Variants in TBCK observed in about 807,000 individuals in gnomAD.
The protein encoded by TBCK is TBC1 domain containing kinase, also known as TBC domain-containing protein kinase-like protein.
A neutral mutation model predicts 113.4 loss-of-function variants in TBCK; 99 were observed. That is an observed-to-expected ratio of 0.87 (90% CI 0.74 to 1.03). The LOEUF is 1.03. Among genes scored for constraint, TBCK ranks in the 50% least tolerant of loss-of-function variants. TBCK has a pLI of 0.00. For synonymous variants in TBCK, 369 were observed against 370.8 expected, an observed-to-expected ratio of 1.00 and a Z score of 0.05; for missense variants, 1,045 against 1,061.3, an observed-to-expected ratio of 0.98 and a Z score of 0.21.
chr4:106,291,253 TCA>T (rs1765677580), intron 3 of TBCK, among the ~76,000 whole-genome samples: 2 of 152,182 alleles, frequency 1.3e-5, no homozygotes, highest in African/African-American at 2.4e-5. Flanking sequence ...CTTGTCTTGG[TCA>T]CAGTTTTGAT....
At chr4:106,191,105 T>C (rs1358708725) in intron 22 of TBCK, among the ~76,000 whole-genome samples, 1 of 152,188 alleles carries the variant, frequency 6.6e-6, no homozygotes, top group African/African-American at 2.4e-5. Flanking sequence ...GAGCATGACG[T>C]TTTTTCTTGT....
intron 24 of TBCK, among the ~76,000 whole-genome samples, chr4:106,096,044 A>G (rs1740862277): frequency 6.6e-6 from 1 of 152,218 alleles, no homozygotes; most frequent in Non-Finnish European, 1.5e-5. Flanking sequence ...TATGACATTA[A>G]TAATGAGAGA....
intron 24 of TBCK, among the ~76,000 whole-genome samples, chr4:106,101,354 T>C (rs1400857538): frequency 6.6e-6 from 1 of 152,126 alleles, no homozygotes; most frequent in African/African-American, 2.4e-5. Flanking sequence ...CACTCAAATA[T>C]GGGAATACAA....
intron 25 of TBCK, among the ~76,000 whole-genome samples, chr4:106,070,117 T>C (rs1378149550): frequency 1.3e-5 from 2 of 152,148 alleles, no homozygotes; most frequent in Non-Finnish European, 2.9e-5. Flanking sequence ...CTTTTCCTAA[T>C]TGAATACCCT....
intron 23 of TBCK, among the ~76,000 whole-genome samples, chr4:106,124,576 C>T (rs1350866449): frequency 1.3e-5 from 2 of 152,072 alleles, no homozygotes; most frequent in African/African-American, 4.8e-5. Flanking sequence ...GCATTATTCA[C>T]AATAGCAAAG....
chr4:106,170,497 A>G (rs1270371654), intron 23 of TBCK, among the ~76,000 whole-genome samples: 1 of 152,126 alleles, frequency 6.6e-6, no homozygotes, highest in Non-Finnish European at 1.5e-5. Context: ...ATGTACCCAT[A>G]TATTTGGGGA....
At chr4:106,222,545 G>A (rs1013323773) in intron 19 of TBCK, among the ~76,000 whole-genome samples, 1 of 152,088 alleles carries the variant, frequency 6.6e-6, no homozygotes, top group African/African-American at 2.4e-5. Context: ...TGATGGGTGG[G>A]ATTTAAAACA....
At chr4:106,091,285 C>T (rs77462975) in intron 25 of TBCK, among the ~76,000 whole-genome samples, 1,726 of 152,260 alleles carry the variant, frequency 0.011, 35 homozygotes, top group African/African-American at 0.037. Flanking sequence ...TTTTAAACAA[C>T]GAGCTCTCAT....
intron 3 of TBCK, 114 bp downstream of exon 3, chr4:106,294,980 A>G: frequency 1.4e-6 from 1 of 733,408 alleles, no homozygotes; most frequent in Non-Finnish European, 2.2e-6. Context: ...ATTTGCACCT[A>G]CCTTTATCAT....
chr4:106,152,655 G>A (rs559795377), intron 23 of TBCK, among the ~76,000 whole-genome samples: 1 of 152,084 alleles, frequency 6.6e-6, no homozygotes, highest in East Asian at 1.9e-4. Context: ...GAATAGAATT[G>A]GTACACGTTC....
At chr4:106,056,656 C>T (rs1448600514) in intron 25 of TBCK, among the ~76,000 whole-genome samples, 1 of 150,864 alleles carries the variant, frequency 6.6e-6, no homozygotes, top group African/African-American at 2.4e-5. Flanking sequence ...CTAGGTTTTC[C>T]TCATCCAGTT....
At chr4:106,077,273 T>A (rs1738309628) in intron 25 of TBCK, among the ~76,000 whole-genome samples, 1 of 152,136 alleles carries the variant, frequency 6.6e-6, no homozygotes, top group Non-Finnish European at 1.5e-5. Flanking sequence ...TAAGTCTACA[T>A]AACAACCAGC....
chr4:106,258,879 TG>T (rs1762246363), intron 5 of TBCK, among the ~76,000 whole-genome samples: 1 of 151,908 alleles, frequency 6.6e-6, no homozygotes, highest in African/African-American at 2.4e-5. Flanking sequence ...AGGGCTTTTT[TG>T]AACAAATAAG....
At chr4:106,301,740 T>A (rs1222713821) in intron 2 of TBCK, among the ~76,000 whole-genome samples, 2 of 152,160 alleles carry the variant, frequency 1.3e-5, no homozygotes, top group Non-Finnish European at 1.5e-5. Flanking sequence ...AAGTCAATTG[T>A]TACTGACTTA....
intron 3 of TBCK, among the ~76,000 whole-genome samples, chr4:106,268,481 T>C (rs766090195): frequency 1.3e-5 from 2 of 152,042 alleles, no homozygotes; most frequent in Non-Finnish European, 2.9e-5. Context: ...CACACAATGG[T>C]ACAAGGGGGA....
intron 3 of TBCK, among the ~76,000 whole-genome samples, chr4:106,290,412 G>A (rs1023889676): frequency 1.3e-5 from 2 of 151,986 alleles, no homozygotes; most frequent in Non-Finnish European, 2.9e-5. Flanking sequence ...TCCTGACCTC[G>A]TGATCCGCCC....
intron 20 of TBCK, among the ~76,000 whole-genome samples, chr4:106,207,402 A>C (rs1398417096): frequency 6.6e-6 from 1 of 152,184 alleles, no homozygotes; most frequent in Non-Finnish European, 1.5e-5. Context: ...GGTTTGGTAA[A>C]TCATTATCAA....
chr4:106,235,804 T>A (rs2150008049), intron 14 of TBCK, among the ~76,000 whole-genome samples: 1 of 152,154 alleles, frequency 6.6e-6, no homozygotes, highest in Middle Eastern at 3.4e-3. Flanking sequence ...AATTTATACT[T>A]TTATAAATTT....
intron 25 of TBCK, among the ~76,000 whole-genome samples, chr4:106,054,899 T>G (rs537053153): frequency 6.6e-6 from 1 of 151,598 alleles, no homozygotes; most frequent in African/African-American, 2.4e-5. Context: ...CTTGTATGAG[T>G]TGAACAGGCA....
Sources: allele counts gnomAD v4.1 joint callset (sites outside exome capture counted in the v4.1 genomes callset), GRCh38; gene constraint gnomAD v4.1.1; transcripts MANE v1.5; gene names NCBI Gene and HGNC (gene_info 2026-07-23, HGNC 2026-07-21).